The following GIT2 variants were observed in gnomAD, a reference collection of about 807,000 sequenced individuals.
GIT2 encodes ARF GTPase-activating protein GIT2.
GIT2 carries 32 observed loss-of-function variants against 100.3 expected under a neutral mutation model. The observed-to-expected ratio is 0.32, with a 90% confidence interval of 0.24 to 0.43. The LOEUF (loss-of-function observed/expected upper bound fraction) is 0.43. Among genes scored for constraint, GIT2 ranks in the 20% least tolerant of loss-of-function variants. The pLI is 1.00. For missense variants in GIT2, 737 were observed against 975.1 expected (o/e 0.76, Z 3.25); for synonymous variants, 353 against 364.1 (o/e 0.97, Z 0.35).
chr12:109,933,055 C>A lies in GIT2; in HGVS notation c.2203G>T (p.Val735Phe), dbSNP rs1354903922. The change falls in exon 20 of 20, where the codon GTC becomes TTC. Residue 735 changes from valine (V) to phenylalanine (F), a missense_variant. Coordinates refer to ENST00000355312, the MANE Select transcript of GIT2 (RefSeq NM_057169.5). The surrounding 1 kb of genome is among the most constrained non-coding windows in gnomAD (Gnocchi z 4.5). ...PTDVQLVTQQVIQCAYDIAKA... is the reference protein window; with the variant it reads ...PTDVQLVTQQFIQCAYDIAKA... ...GCGATGTCGTACGCACACTGGATGACCTGCTGCGTGACCAGCTGAACGTCT... is the reference window on the plus strand; with the variant it reads ...GCGATGTCGTACGCACACTGGATGAACTGCTGCGTGACCAGCTGAACGTCT... The A allele has an allele frequency of 5.6e-6, 9 of 1,613,780 alleles. No homozygotes were observed. The highest frequency in any genetic ancestry group is 6.8e-6 in the Non-Finnish European group (8 of 1,179,784).
At chr12:109,965,335 G>C (rs1186672366) in intron 9 of GIT2, among the ~76,000 whole-genome samples, 191 bp downstream of exon 9, 1 of 152,186 alleles carries the variant, frequency 6.6e-6, no homozygotes. Context: ...CAGAACCAAT[G>C]AACTGAATAT....
upstream of GIT2, chr12:109,997,737 A>G (rs1274812298): frequency 6.6e-6 from 1 of 152,268 alleles, no homozygotes; most frequent in African/African-American, 2.4e-5. Context: ...AGTAGCTCCC[A>G]TAATTATGGA....
At chr12:109,965,816 C>T (rs1882199696) in intron 8 of GIT2, 2 of 648,960 alleles carry the variant, frequency 3.1e-6, no homozygotes, top group Admixed American at 1.9e-5. Context: ...AAATCGTCCA[C>T]CAACTAAACG....
intron 7 of GIT2, among the ~76,000 whole-genome samples, chr12:109,976,340 A>C (rs1320755898): frequency 7.3e-6 from 1 of 137,014 alleles, no homozygotes; most frequent in Non-Finnish European, 1.5e-5. Context: ...GTTGGAGTGC[A>C]GTGGTGCAAT....
At chr12:109,939,088 GCTT>G in intron 17 of GIT2, 74 bp downstream of exon 17, 2 of 810,666 alleles carry the variant, frequency 2.5e-6, no homozygotes, top group Non-Finnish European at 4.4e-6. Flanking sequence ...GTGGTGAACT[GCTT>G]CTGCTGGCCC....
intron 12 of GIT2, among the ~76,000 whole-genome samples, chr12:109,957,030 C>A (rs578063181): frequency 0.021 from 3,070 of 148,928 alleles, 36 homozygotes; most frequent in Non-Finnish European, 0.03. Flanking sequence ...AAAAAAAAAA[C>A]AAAACAAAAT....
At chr12:109,955,077 G>A (rs947232492) in intron 12 of GIT2, among the ~76,000 whole-genome samples, 5 of 151,828 alleles carry the variant, frequency 3.3e-5, no homozygotes, top group South Asian at 2.1e-4. Context: ...GTTTTTCTCC[G>A]AGCACTTATA....
Position 109,948,606 on chromosome 12 carries a change from T to C in GIT2, c.1393-1102A>G. The C allele has an allele frequency of 7.1e-7, 1 of 1,409,866 alleles. No homozygotes were observed. Among genetic ancestry groups the C allele is most frequent in the African/African-American group, 1.5e-5 (1 of 68,840 alleles). The allele number at this position is 1,409,866 out of a possible 1,614,324, so 87.3% of individuals were successfully genotyped here. On this transcript the variant is annotated intron_variant, in intron 14 of 19. Coordinates refer to ENST00000355312, the MANE Select transcript of GIT2 (RefSeq NM_057169.5). This position sits in a 1 kb window ranked among gnomAD's most constrained non-coding sequence, Gnocchi z 4.3. ...TTCCATGGACATTCTATAAGCTGGGTGTGGTGTGAGTTCAGCTGTCTACTC... is the reference window on the plus strand; with the variant it reads ...TTCCATGGACATTCTATAAGCTGGGCGTGGTGTGAGTTCAGCTGTCTACTC...
intron 4 of GIT2, among the ~76,000 whole-genome samples, chr12:109,985,357 G>A (rs1887154010): frequency 6.6e-6 from 1 of 152,030 alleles, no homozygotes; most frequent in Non-Finnish European, 1.5e-5. Context: ...GCTAGTATAT[G>A]CATTTCTATG....
intron 7 of GIT2, among the ~76,000 whole-genome samples, chr12:109,980,619 C>T (rs574804360): frequency 4.2e-4 from 64 of 152,214 alleles, no homozygotes; most frequent in African/African-American, 1.5e-3. Context: ...CAAATAACTA[C>T]AAAGGTTATT....
chr12:109,978,760 T>C (rs1885668793), intron 7 of GIT2, among the ~76,000 whole-genome samples: 1 of 152,248 alleles, frequency 6.6e-6, no homozygotes, highest in Admixed American at 6.5e-5. Flanking sequence ...TCAAGAATGT[T>C]TGCTTTTACT....
At chr12:109,979,787 G>C (rs1040791367) in intron 7 of GIT2, among the ~76,000 whole-genome samples, 1 of 152,120 alleles carries the variant, frequency 6.6e-6, no homozygotes, top group African/African-American at 2.4e-5. Context: ...AGACACGGTG[G>C]GGTGTGCTTA....
chr12:109,983,149 T>A, intron 6 of GIT2: 1 of 471,192 alleles, frequency 2.1e-6, no homozygotes, highest in South Asian at 3.0e-5. Context: ...TTATAAAGGA[T>A]CAAGTAAAAG....
chr12:109,983,097 ATAC>A (rs1320854297), intron 6 of GIT2: 1 of 313,658 alleles, frequency 3.2e-6, no homozygotes, highest in Non-Finnish European at 5.9e-6. Flanking sequence ...GTAATTCTTG[ATAC>A]TTGATTTGGA....
chr12:109,952,139 G>A (rs990857956), intron 13 of GIT2, among the ~76,000 whole-genome samples: 7 of 152,156 alleles, frequency 4.6e-5, no homozygotes, highest in African/African-American at 7.2e-5. Context: ...CATGTGGGCC[G>A]AAGAACTCCA....
chr12:109,964,419 G>T (rs1881774632), intron 9 of GIT2, among the ~76,000 whole-genome samples: 1 of 152,054 alleles, frequency 6.6e-6, no homozygotes, highest in Non-Finnish European at 1.5e-5. Flanking sequence ...TGTGAAAACA[G>T]AAATGAGGAG....
chr12:109,992,700 C>G (rs1321888697), intron 1 of GIT2, among the ~76,000 whole-genome samples: 1 of 152,110 alleles, frequency 6.6e-6, no homozygotes, highest in Non-Finnish European at 1.5e-5. Context: ...GAGACAGAGT[C>G]TCACTCTGTC....
intron 12 of GIT2, among the ~76,000 whole-genome samples, chr12:109,959,366 C>T (rs1880448538): frequency 6.6e-6 from 1 of 152,100 alleles, no homozygotes; most frequent in Admixed American, 6.5e-5. Context: ...CCACGCCCGG[C>T]CAAGAAGAGT....
intron 6 of GIT2, chr12:109,981,792 C>T (rs1156265638): frequency 6.6e-6 from 1 of 152,134 alleles, no homozygotes; most frequent in Admixed American, 6.6e-5. Flanking sequence ...TAATAAGTAT[C>T]ATTTACCCAG....
Sources: gnomAD v4.1 joint callset for allele counts (sites outside exome capture counted in the v4.1 genomes callset) on GRCh38, gnomAD v4.1.1 for gene constraint, Gnocchi (gnomAD v3.1) non-coding constraint, MANE v1.5 for transcripts, NCBI Gene and HGNC (gene_info 2026-07-23, HGNC 2026-07-21) for gene names.